STX16: variants seen among roughly 807,000 people sequenced by gnomAD.
The protein encoded by STX16 is syntaxin 16.
STX16 carries 28 observed loss-of-function variants against 42.7 expected under a neutral mutation model. That is an observed-to-expected ratio of 0.66 (90% CI 0.49 to 0.90). The LOEUF is 0.90. Ranked by LOEUF, STX16 falls within the 40% of genes least tolerant of loss-of-function variation. STX16 has a pLI of 0.00. For synonymous variants in STX16, 156 were observed against 155.2 expected (o/e 1.00, Z -0.04); for missense variants, 361 against 420.9 (o/e 0.86, Z 1.24).
Position 58,657,213 on chromosome 20 carries a change from A to C in STX16, c.133-2410A>C, listed in dbSNP as rs182349099. Among the ~76,000 whole-genome samples the C allele has an allele frequency of 6.6e-6, 1 of 152,370 alleles. No individual in the cohort carries two copies. The highest frequency in any genetic ancestry group is 1.9e-4 in the East Asian group (1 of 5,196). ...TTTAACTTGCAGATTGAAGATTCTA[A>C]GTTTTAGTACAAGCTGAGTCTGTTG... On this transcript the variant is annotated intron_variant, in intron 1 of 8. Coordinates refer to ENST00000371141, the MANE Select transcript of STX16 (RefSeq NM_001001433.3). This position sits in a 1 kb window ranked among gnomAD's most constrained non-coding sequence, Gnocchi z 4.2.
intron 2 of STX16, among the ~76,000 whole-genome samples, chr20:58,661,077 G>T (rs2083687970): frequency 6.6e-6 from 1 of 152,134 alleles, no homozygotes; most frequent in South Asian, 2.1e-4. Flanking sequence ...AGGGCTTGGG[G>T]GCTTGGAGAG....
At chr20:58,673,535 T>G in intron 7 of STX16, 96 bp from the exon 8 acceptor site, 1 of 812,792 alleles carries the variant, frequency 1.2e-6, no homozygotes, top group Non-Finnish European at 2.1e-6. Context: ...CATCATCTTA[T>G]GGATGATGAT....
chr20:58,668,502 A>T (rs909618591), intron 4 of STX16, among the ~76,000 whole-genome samples: 3 of 152,178 alleles, frequency 2.0e-5, no homozygotes, highest in Non-Finnish European at 4.4e-5. Context: ...CCTAGAAAAA[A>T]TTTTTTATAA....
intron 6 of STX16, among the ~76,000 whole-genome samples, chr20:58,670,861 G>C (rs1012843925): frequency 2.6e-5 from 4 of 152,204 alleles, no homozygotes; most frequent in Non-Finnish European, 5.9e-5. Flanking sequence ...GAAGAGCCCA[G>C]AGAAACAGAG....
chr20:58,674,669 A>C (rs1568830931), intron 8 of STX16, among the ~76,000 whole-genome samples: 2 of 152,152 alleles, frequency 1.3e-5, no homozygotes, highest in African/African-American at 4.8e-5. Context: ...GTGTAGGTGG[A>C]TATGAGACTC....
Position 58,671,143 on chromosome 20 carries a change from T to A in STX16, c.649-11T>A. 6.2e-7 allele frequency: 1 copy of A among 1,611,310 alleles called. No homozygotes were observed. Among genetic ancestry groups the A allele is most frequent in the Non-Finnish European group, 8.5e-7 (1 of 1,178,360 alleles). The stretch of plus-strand genomic sequence containing the variant: ...ACAATCTATCCAACACATTGTGCAC[T>A]GTCTTGCTAGGGTTTTACAGAGGAC... On this transcript the variant is annotated splice_polypyrimidine_tract_variant and intron_variant, in intron 6 of 8. Coordinates refer to ENST00000371141, the MANE Select transcript of STX16 (RefSeq NM_001001433.3).
At chr20:58,670,376 A>T in intron 5 of STX16, 136 bp from the exon 6 acceptor site, 3 of 643,838 alleles carry the variant, frequency 4.7e-6, no homozygotes, top group Middle Eastern at 4.1e-4. Context: ...CCCATTGGAG[A>T]TAGGCTTCTT....
chr20:58,659,543 G>T, intron 1 of STX16, 80 bp from the exon 2 acceptor site: 2 of 1,431,140 alleles, frequency 1.4e-6, no homozygotes, highest in South Asian at 2.7e-5. Flanking sequence ...ACCATGCCTT[G>T]TCTGTCTGTC....
intron 1 of STX16, among the ~76,000 whole-genome samples, chr20:58,655,692 T>C (rs1485067498): frequency 6.6e-6 from 1 of 152,242 alleles, no homozygotes; most frequent in African/African-American, 2.4e-5. Context: ...CTTTTAGTTC[T>C]GTTCCTTCGG....
chr20:58,668,417 C>T lies in STX16; in HGVS notation c.393+290C>T, dbSNP rs187709306. Among the ~76,000 whole-genome samples, 28 of 152,232 alleles carry T rather than the reference C, an allele frequency of 1.8e-4. No homozygotes were observed. The East Asian group carries it at 5.0e-3, about 27-fold the overall frequency. On this transcript the variant is annotated intron_variant, in intron 4 of 8. Transcript: ENST00000371141. ...AATCATTTGATTTTAAAATGTATAA[C>T]TAATATCGTATACTAGTGTTAAGAA...
chr20:58,670,638 C>T (rs1370333239), intron 6 of STX16, 35 bp downstream of exon 6: 1 of 1,548,378 alleles, frequency 6.5e-7, no homozygotes, highest in Admixed American at 1.7e-5. Context: ...ATTGCTGTGT[C>T]TGTGCACCCC....
Position 58,676,161 on chromosome 20 carries a change from G to A in STX16, c.874-26G>A, listed in dbSNP as rs763617112. 1.6e-5 allele frequency: 25 copies of A among 1,596,620 alleles called. No individual in the cohort carries two copies. The South Asian group carries it at 2.6e-4, about 17-fold the overall frequency. On this transcript the variant is annotated intron_variant, in intron 8 of 8. Transcript: ENST00000371141. ...ATTTGGGATTTTGGGGAAAATGACG[G>A]CCTTTTTTCCCTCCTCTTTTTGTAG...
intron 1 of STX16, among the ~76,000 whole-genome samples, chr20:58,654,460 A>G (rs957341592): frequency 6.6e-6 from 1 of 152,238 alleles, no homozygotes; most frequent in Non-Finnish European, 1.5e-5. Context: ...TATTCTGCAC[A>G]CAGTACGGCG....
chr20:58,663,766 C>T (rs796753079), intron 2 of STX16, among the ~76,000 whole-genome samples: 10 of 152,164 alleles, frequency 6.6e-5, no homozygotes, highest in African/African-American at 2.4e-4. Flanking sequence ...CAACTTCTGC[C>T]TTCCGGGTTC....
At position 58,656,411 on chromosome 20, in the gene STX16, G is replaced by A. The variant is rs183901253; in HGVS notation, c.133-3212G>A. On this transcript the variant is annotated intron_variant, in intron 1 of 8. Transcript: ENST00000371141. ...TTTAAGGTAGCAACTCATTCAAGCA[G>A]CTTGGCTTTAGGAAACTGAAATGGA... 1.2e-3 allele frequency among the ~76,000 whole-genome samples: 180 copies of A among 152,294 alleles called. 3 individuals carry two copies. The South Asian group carries it at 0.019, about 16-fold the overall frequency.
intron 2 of STX16, among the ~76,000 whole-genome samples, chr20:58,664,587 AGT>A (rs1448853521): frequency 1.3e-5 from 2 of 152,256 alleles, no homozygotes; most frequent in Admixed American, 1.3e-4. Context: ...CTTAACAAAG[AGT>A]GTGTTCTCCC....
chr20:58,652,232 GAAGAT>G, intron 1 of STX16, 94 bp downstream of exon 1: 5 of 1,525,356 alleles, frequency 3.3e-6, no homozygotes, highest in Non-Finnish European at 3.6e-6. Flanking sequence ...TTTAAAAAGA[GAAGAT>G]AAGAATAATA....
chr20:58,666,432 T>C (rs1013400957), intron 2 of STX16, among the ~76,000 whole-genome samples: 2 of 148,530 alleles, frequency 1.3e-5, no homozygotes, highest in African/African-American at 5.0e-5. Context: ...TGTTTTTTTT[T>C]TTTTTTTTTT....
At chr20:58,671,346 T>G (rs778314574) in intron 7 of STX16, 49 bp downstream of exon 7, 1 of 1,546,904 alleles carries the variant, frequency 6.5e-7, no homozygotes, top group Non-Finnish European at 8.7e-7. Flanking sequence ...CCATACTATC[T>G]GTACCTTCTT....
Sources: gnomAD v4.1 joint callset for allele counts (sites outside exome capture counted in the v4.1 genomes callset) on GRCh38, gnomAD v4.1.1 for gene constraint, Gnocchi (gnomAD v3.1) non-coding constraint, MANE v1.5 for transcripts, NCBI Gene and HGNC (gene_info 2026-07-23, HGNC 2026-07-21) for gene names.